ZNF385D: variants seen among roughly 807,000 people sequenced by gnomAD.
ZNF385D encodes the protein zinc finger protein 659.
In ZNF385D, 15 loss-of-function variants were observed where a neutral mutation model predicts 35.8. The observed-to-expected ratio is 0.42, with a 90% CI of 0.28 to 0.64. The LOEUF (loss-of-function observed/expected upper bound fraction) is 0.64, where lower values mean the gene tolerates loss of function less well. Among genes scored for constraint, ZNF385D ranks in the 30% least tolerant of loss-of-function variants. The pLI, the probability that ZNF385D is intolerant of heterozygous loss-of-function variation, is 0.23. For missense variants in ZNF385D, 474 were observed against 494.6 expected, an observed-to-expected ratio of 0.96 and a Z score of 0.39; for synonymous variants, 212 against 186.8, an observed-to-expected ratio of 1.13 and a Z score of -1.10.
At chr3:22,094,522 C>G (rs1701512382) in intron 3 of ZNF385D, among the ~76,000 whole-genome samples, 1 of 151,388 alleles carries the variant, frequency 6.6e-6, no homozygotes, top group Non-Finnish European at 1.5e-5. Flanking sequence ...AGGTGGCAAT[C>G]AGAGTAAGAC....
chr3:21,687,949 C>T (rs1370664226), intron 1 of ZNF385D, among the ~76,000 whole-genome samples: 2 of 151,908 alleles, frequency 1.3e-5, no homozygotes, highest in Non-Finnish European at 2.9e-5. Context: ...GCTTGGAATG[C>T]AGTAGCACGG....
At chr3:21,592,630 T>C (rs1042957538) in intron 2 of ZNF385D, among the ~76,000 whole-genome samples, 1 of 150,452 alleles carries the variant, frequency 6.6e-6, no homozygotes, top group Admixed American at 6.6e-5. Flanking sequence ...ACAAAAAAAA[T>C]CTATCTGCAG....
intron 3 of ZNF385D, among the ~76,000 whole-genome samples, chr3:22,135,556 AAATTGATC>A (rs1704052551): frequency 6.6e-6 from 1 of 152,320 alleles, no homozygotes; most frequent in South Asian, 2.1e-4. Context: ...AACTCTTCTT[AAATTGATC>A]AATGGGTTTA....
At chr3:21,471,250 C>G (rs1336728874) in intron 4 of ZNF385D, among the ~76,000 whole-genome samples, 2 of 115,530 alleles carry the variant, frequency 1.7e-5, no homozygotes, top group African/African-American at 6.2e-5. Context: ...CTCCCTCCCT[C>G]CCTTTCTCTC....
intron 1 of ZNF385D, among the ~76,000 whole-genome samples, chr3:21,711,110 C>T (rs932675713): frequency 3.9e-5 from 5 of 127,750 alleles, no homozygotes; most frequent in Admixed American, 2.9e-4. Flanking sequence ...GGCGTGATCT[C>T]GGCTCACTGC....
chr3:21,854,329 G>A (rs553010419), intron 3 of ZNF385D, among the ~76,000 whole-genome samples: 1 of 151,902 alleles, frequency 6.6e-6, no homozygotes, highest in South Asian at 2.1e-4. Context: ...TTCCAACCTT[G>A]CCTAGGAAAC....
intron 3 of ZNF385D, among the ~76,000 whole-genome samples, chr3:22,152,248 G>A (rs1022854902): frequency 6.6e-6 from 1 of 152,064 alleles, no homozygotes; most frequent in African/African-American, 2.4e-5. Flanking sequence ...TCAGACAAAT[G>A]CTTAGTATTC....
chr3:22,192,602 G>A (rs542858109), intron 2 of ZNF385D, among the ~76,000 whole-genome samples: 1 of 152,204 alleles, frequency 6.6e-6, no homozygotes, highest in African/African-American at 2.4e-5. Flanking sequence ...TGTTGAAAAT[G>A]GACCCTCCAA....
At chr3:21,444,541 C>T (rs4858321) in intron 4 of ZNF385D, among the ~76,000 whole-genome samples, 49,864 of 151,222 alleles carry the variant, frequency 0.33, 10,039 homozygotes, top group African/African-American at 0.57. Context: ...CACACCACCA[C>T]GCCCAGCTAA....
At chr3:22,099,405 T>A (rs979608521) in intron 3 of ZNF385D, among the ~76,000 whole-genome samples, 6 of 152,052 alleles carry the variant, frequency 3.9e-5, no homozygotes, top group African/African-American at 1.4e-4. Context: ...AAGTATGAGT[T>A]GTAATTATTA....
chr3:22,037,756 T>C (rs1698428017), intron 3 of ZNF385D, among the ~76,000 whole-genome samples: 1 of 152,158 alleles, frequency 6.6e-6, no homozygotes, highest in Non-Finnish European at 1.5e-5. Context: ...TCATTGCTTT[T>C]GGTGTTTTAG....
chr3:22,286,958 T>C (rs1349273892), intron 2 of ZNF385D, among the ~76,000 whole-genome samples: 2 of 152,074 alleles, frequency 1.3e-5, no homozygotes, highest in Non-Finnish European at 2.9e-5. Flanking sequence ...AATCTAACCA[T>C]TGCTGAAAGT....
intron 3 of ZNF385D, among the ~76,000 whole-genome samples, chr3:21,908,764 C>T (rs981729828): frequency 2.9e-4 from 44 of 152,056 alleles, no homozygotes; most frequent in African/African-American, 1.1e-3. Context: ...TGGTTCTTAA[C>T]ATTTTGAGGA....
chr3:21,613,575 G>C (rs1296666803), intron 2 of ZNF385D, among the ~76,000 whole-genome samples: 2 of 152,056 alleles, frequency 1.3e-5, no homozygotes, highest in East Asian at 3.9e-4. Flanking sequence ...CGTGACATTT[G>C]GTCAAGATGA....
intron 1 of ZNF385D, among the ~76,000 whole-genome samples, chr3:21,737,622 T>C (rs577702916): frequency 6.6e-6 from 1 of 152,356 alleles, no homozygotes; most frequent in East Asian, 1.9e-4. Context: ...TCACTATTTA[T>C]ACTTTTATAA....
chr3:21,529,040 C>A (rs1045081604), intron 3 of ZNF385D, among the ~76,000 whole-genome samples: 2 of 152,104 alleles, frequency 1.3e-5, no homozygotes, highest in African/African-American at 4.8e-5. Flanking sequence ...CAGATTTGGA[C>A]TAAACAAAAT....
intron 2 of ZNF385D, among the ~76,000 whole-genome samples, chr3:22,333,714 G>T (rs1695039570): frequency 6.6e-6 from 1 of 151,946 alleles, no homozygotes; most frequent in Non-Finnish European, 1.5e-5. Flanking sequence ...TATAATAGCT[G>T]CCACTGCTGC....
chr3:22,287,277 C>A (rs1004342281), intron 2 of ZNF385D, among the ~76,000 whole-genome samples: 9 of 151,892 alleles, frequency 5.9e-5, no homozygotes, highest in Non-Finnish European at 8.8e-5. Flanking sequence ...AGAAATGAGT[C>A]TCTTAAAGTG....
intron 3 of ZNF385D, among the ~76,000 whole-genome samples, chr3:21,780,024 T>C (rs550803326): frequency 3.9e-5 from 6 of 152,006 alleles, no homozygotes; most frequent in Non-Finnish European, 1.5e-5. Context: ...GGAACATCTA[T>C]TGTGTTACAT....
Sources: gnomAD v4.1 joint callset for allele counts (sites outside exome capture counted in the v4.1 genomes callset) on GRCh38, gnomAD v4.1.1 for gene constraint, MANE v1.5 for transcripts, NCBI Gene and HGNC (gene_info 2026-07-23, HGNC 2026-07-21) for gene names.